Variants in BPHL observed in about 807,000 individuals in gnomAD.
BPHL encodes the protein biphenyl hydrolase like, also known as serine hydrolase BPHL.
BPHL carries 27 observed loss-of-function variants against 31.2 expected under a neutral mutation model. The observed-to-expected ratio is 0.87, with a 90% CI of 0.64 to 1.19. The LOEUF (loss-of-function observed/expected upper bound fraction) is 1.19, where lower values mean the gene tolerates loss of function less well. Ranked by LOEUF, BPHL falls within the 50% of genes most tolerant of loss-of-function variation. BPHL has a pLI of 0.00. For synonymous variants in BPHL, 150 were observed against 146.8 expected, an observed-to-expected ratio of 1.02 and a Z score of -0.16; for missense variants, 356 against 375.7, an observed-to-expected ratio of 0.95 and a Z score of 0.43.
At chr6:3,144,391 GTTT>G (rs796426507) in intron 6 of BPHL, among the ~76,000 whole-genome samples, 19 of 130,290 alleles carry the variant, frequency 1.5e-4, no homozygotes, top group East Asian at 2.4e-4. Flanking sequence ...TTTTTTTTTT[GTTT>G]TTTTTTTTAA....
chr6:3,143,737 G>A (rs1006147635), intron 6 of BPHL, among the ~76,000 whole-genome samples: 1 of 152,212 alleles, frequency 6.6e-6, no homozygotes, highest in Non-Finnish European at 1.5e-5. Context: ...ACCCAAAGGA[G>A]GTCACACTCT....
At chr6:3,121,025 C>G (rs1449302116) in intron 1 of BPHL, among the ~76,000 whole-genome samples, 3 of 152,170 alleles carry the variant, frequency 2.0e-5, no homozygotes, top group African/African-American at 7.2e-5. Context: ...TTCAACCTCT[C>G]TGAGCCTCCT....
chr6:3,151,493 C>G (rs1439639904), intron 6 of BPHL, among the ~76,000 whole-genome samples: 26 of 152,112 alleles, frequency 1.7e-4, no homozygotes, highest in Admixed American at 1.7e-3. Flanking sequence ...GGAAGAGGCC[C>G]AGCATCTTCC....
chr6:3,144,509 C>G (rs2113772046), intron 6 of BPHL, among the ~76,000 whole-genome samples: 1 of 152,026 alleles, frequency 6.6e-6, no homozygotes, highest in South Asian at 2.1e-4. Context: ...CCTCAGCCTC[C>G]CAAGTAGCTC....
Position 3,153,528 on chromosome 6 carries a change from C to T in BPHL, c.*953C>T, listed in dbSNP as rs182519335. ...AATGTTATTAATTAAAACACTAAAG[C>T]AGAAATCCTACATTGCTATTAAAAT... On this transcript the variant is annotated 3_prime_UTR_variant, in exon 7 of 7. Transcript: ENST00000380379. The T allele has an allele frequency of 4.5e-5, 19 of 421,798 alleles. No individual in the cohort carries two copies. The East Asian group carries it at 8.1e-4, about 18-fold the overall frequency. The allele number at this position is 421,798 out of a possible 1,614,324, so 26.1% of individuals were successfully genotyped here. A position where few individuals can be genotyped will look rare whatever the true frequency, so the allele number is the denominator to read the frequency against.
At chr6:3,131,812 A>G (rs1040226805) in intron 4 of BPHL, among the ~76,000 whole-genome samples, 4 of 152,046 alleles carry the variant, frequency 2.6e-5, no homozygotes, top group African/African-American at 9.7e-5. Context: ...CCTTCCCCTC[A>G]GCCACATCCT....
rs751455785 is a variant in BPHL, at chr6:3,123,726, A to G, written c.177A>G (p.Gly59=). 6.2e-6 allele frequency: 10 copies of G among 1,613,374 alleles called. No homozygotes were observed. Among genetic ancestry groups the G allele is most frequent in the Non-Finnish European group, 8.5e-6 (10 of 1,179,718 alleles). The change falls in exon 2 of 7, where the codon GGA becomes GGG. Residue 59 remains glycine (G), a synonymous_variant. Transcript: ENST00000380379. ...TGCATTACCAGCAGACTGGAGAGGG[A>G]GATCACGCAGTCCTGCTACTTCCTG... The part of the protein sequence containing the change: ...VQLHYQQTGE[G]DHAVLLLPGM...
At chr6:3,122,824 G>T (rs1322954838) in intron 1 of BPHL, among the ~76,000 whole-genome samples, 1 of 152,190 alleles carries the variant, frequency 6.6e-6, no homozygotes, top group African/African-American at 2.4e-5. Context: ...TCCTGCAGCA[G>T]GCCAGACAAC....
upstream of BPHL, chr6:3,118,600 G>A: frequency 3.5e-6 from 2 of 568,964 alleles, no homozygotes; most frequent in African/African-American, 2.0e-5. Flanking sequence ...GCGTGGCTTC[G>A]GGGCGGGGCG....
rs1286197206 is a variant in BPHL at position 3,140,983 on chromosome 6, G to T, written c.788+474G>T. Among the ~76,000 whole-genome samples the T allele has an allele frequency of 6.6e-6, 1 of 152,132 alleles. No individual in the cohort carries two copies. Among genetic ancestry groups the T allele is most frequent in the Non-Finnish European group, 1.5e-5 (1 of 68,022 alleles). The stretch of plus-strand genomic sequence containing the variant: ...AATGGTAGTGTTCCCTGTCCCTAAA[G>T]CCCCCAGGCCAGCAGGGAAAGCAGG... On this transcript the variant is annotated intron_variant, in intron 6 of 6. Coordinates refer to ENST00000380379, the MANE Select transcript of BPHL (RefSeq NM_004332.4). This position sits in a 1 kb window ranked among gnomAD's most constrained non-coding sequence, Gnocchi z 5.2.
intron 6 of BPHL, among the ~76,000 whole-genome samples, chr6:3,143,660 C>A (rs563149740): frequency 2.6e-5 from 4 of 152,186 alleles, no homozygotes; most frequent in Non-Finnish European, 5.9e-5. Context: ...ATAAGTACAG[C>A]GGTCGTAATA....
At chr6:3,133,541 C>G (rs371234299) in intron 4 of BPHL, among the ~76,000 whole-genome samples, 1 of 152,188 alleles carries the variant, frequency 6.6e-6, no homozygotes, top group Admixed American at 6.5e-5. Context: ...TCCCCTCCCC[C>G]CACTTTCCCC....
At chr6:3,146,022 CCG>C (rs1762337873) in intron 6 of BPHL, among the ~76,000 whole-genome samples, 1 of 3,934 alleles carries the variant, frequency 2.5e-4, no homozygotes, top group African/African-American at 1.3e-3. Context: ...TGGTTCGGGT[CCG>C]AGTGCTGGTT....
intron 4 of BPHL, among the ~76,000 whole-genome samples, chr6:3,136,144 A>T (rs1581474300): frequency 6.6e-6 from 1 of 152,212 alleles, no homozygotes; most frequent in East Asian, 1.9e-4. Context: ...AGATCTAGTT[A>T]TTCCCCTGCA....
intron 4 of BPHL, among the ~76,000 whole-genome samples, chr6:3,133,106 T>A (rs901110844): frequency 3.9e-5 from 6 of 152,222 alleles, no homozygotes; most frequent in African/African-American, 1.4e-4. Context: ...CTAAAGTCTT[T>A]AACAACGTGA....
chr6:3,118,716 C>G lies in BPHL; in HGVS notation c.-25C>G. On this transcript the variant is annotated 5_prime_UTR_variant, in exon 1 of 7. Transcript: ENST00000380379. ...CGCTTGGTCTTAGCGCATGCGCACTCCCGGCAGCTACGCGACCTGTGACCA... is the reference window on the plus strand; with the variant it reads ...CGCTTGGTCTTAGCGCATGCGCACTGCCGGCAGCTACGCGACCTGTGACCA... 1 of 1,255,738 alleles carries G rather than the reference C, an allele frequency of 8.0e-7. No homozygotes were observed. Among genetic ancestry groups the G allele is most frequent in the Non-Finnish European group, 1.0e-6 (1 of 996,534 alleles). 77.8% of individuals were successfully genotyped at this position (1,255,738 alleles called of 1,614,324 possible). A position where few individuals can be genotyped will look rare whatever the true frequency, so the allele number is the denominator to read the frequency against.
At chr6:3,126,220 C>A (rs1208919630) in intron 2 of BPHL, among the ~76,000 whole-genome samples, 1 of 151,006 alleles carries the variant, frequency 6.6e-6, no homozygotes, top group African/African-American at 2.4e-5. Context: ...AAAATAAAAT[C>A]TTTAGGCTAT....
At chr6:3,118,411 T>C (rs903296518), upstream of BPHL, 5 of 237,978 alleles carry the variant, frequency 2.1e-5, no homozygotes, top group East Asian at 1.6e-4. Flanking sequence ...CGGCCTCGCC[T>C]CCTGGAAAGG....
chr6:3,119,665 AAC>A (rs564358262), intron 1 of BPHL, among the ~76,000 whole-genome samples: 434 of 152,330 alleles, frequency 2.8e-3, no homozygotes, highest in Admixed American at 4.8e-3. Context: ...CACACATGCA[AAC>A]ACACGTATAC....
Sources: gnomAD v4.1 joint callset for allele counts (sites outside exome capture counted in the v4.1 genomes callset) on GRCh38, gnomAD v4.1.1 for gene constraint, Gnocchi (gnomAD v3.1) non-coding constraint, MANE v1.5 for transcripts, NCBI Gene and HGNC (gene_info 2026-07-23, HGNC 2026-07-21) for gene names.